Variants in PPP6R2 observed in about 807,000 individuals in gnomAD.
PPP6R2 encodes serine/threonine-protein phosphatase 6 regulatory subunit 2.
In PPP6R2, 62 loss-of-function variants were observed where a neutral mutation model predicts 100.2. That is an observed-to-expected ratio of 0.62 (90% CI 0.50 to 0.76). The LOEUF (loss-of-function observed/expected upper bound fraction) is 0.76. PPP6R2 is among the 30% of genes least tolerant of loss of function. The pLI, the probability that PPP6R2 is intolerant of heterozygous loss-of-function variation, is 0.00. For missense variants in PPP6R2, 1,142 were observed against 1,276.3 expected, an observed-to-expected ratio of 0.89 and a Z score of 1.60; for synonymous variants, 525 against 514.7, an observed-to-expected ratio of 1.02 and a Z score of -0.27.
chr22:50,436,223 C>T, intron 13 of PPP6R2, 144 bp from the exon 14 acceptor site: 1 of 689,760 alleles, frequency 1.4e-6, no homozygotes, highest in Non-Finnish European at 2.5e-6. Context: ...CGGCAAAGCC[C>T]CTGCTTCAGG....
chr22:50,375,023 G>C (rs2051170169), intron 2 of PPP6R2, among the ~76,000 whole-genome samples: 1 of 151,628 alleles, frequency 6.6e-6, no homozygotes, highest in African/African-American at 2.4e-5. Flanking sequence ...TTAAAAGATA[G>C]ATTACCTAAA....
At position 50,438,314 on chromosome 22, in the gene PPP6R2, A is replaced by G; in HGVS notation, c.1964+16A>G. 6.2e-7 allele frequency: 1 copy of G among 1,606,366 alleles called. No individual in the cohort carries two copies. Among genetic ancestry groups the G allele is most frequent in the South Asian group, 1.1e-5 (1 of 89,888 alleles). ...CCAGACCCAGGTGCGGGGCCTGCCC[A>G]TCCCCACAAAGCCTCTGCCGAGGAG... On this transcript the variant is annotated intron_variant, in intron 18 of 23. Transcript: ENST00000612753.
chr22:50,427,288 G>A (rs576739821), intron 10 of PPP6R2, among the ~76,000 whole-genome samples: 6 of 152,066 alleles, frequency 3.9e-5, no homozygotes, highest in East Asian at 1.9e-4. Flanking sequence ...TGCCAGTGTC[G>A]CACTGTTTTG....
intron 1 of PPP6R2, among the ~76,000 whole-genome samples, chr22:50,347,336 C>G (rs895355625): frequency 6.6e-6 from 1 of 152,096 alleles, no homozygotes; most frequent in Non-Finnish European, 1.5e-5. Context: ...CATCACCCCT[C>G]TTGTCCAATC....
intron 1 of PPP6R2, among the ~76,000 whole-genome samples, chr22:50,360,541 G>GC (rs1267451020): frequency 6.6e-6 from 1 of 151,998 alleles, no homozygotes; most frequent in Non-Finnish European, 1.5e-5. Context: ...TTAAAAAAAG[G>GC]TTTTTAGAGA....
At chr22:50,398,116 T>TA (rs2057387928) in intron 3 of PPP6R2, among the ~76,000 whole-genome samples, 1 of 151,762 alleles carries the variant, frequency 6.6e-6, no homozygotes. Flanking sequence ...GAGGATCACT[T>TA]ACGCCCAGGA....
chr22:50,337,242 TGTGTGTGTG>T, the PPP6R2 span, among the ~76,000 whole-genome samples: 1 of 140,698 alleles, frequency 7.1e-6, no homozygotes, highest in African/African-American at 2.7e-5. Context: ...TGTATTGGTG[TGTGTGTGTG>T]GTGTGTGTGC....
chr22:50,391,161 C>T (rs567592654), intron 2 of PPP6R2, among the ~76,000 whole-genome samples: 3 of 151,426 alleles, frequency 2.0e-5, no homozygotes, highest in East Asian at 1.9e-4. Flanking sequence ...AGTCCAGGCG[C>T]GGTGGCTCAC....
intron 10 of PPP6R2, among the ~76,000 whole-genome samples, chr22:50,424,804 A>AT (rs1340553878): frequency 5.3e-5 from 8 of 150,290 alleles, no homozygotes; most frequent in South Asian, 2.1e-4. Flanking sequence ...TGCCCAGCTA[A>AT]TTTTTTTTTG....
At chr22:50,370,878 C>T (rs917030665) in intron 1 of PPP6R2, among the ~76,000 whole-genome samples, 8 of 152,270 alleles carry the variant, frequency 5.3e-5, no homozygotes, top group African/African-American at 1.9e-4. Flanking sequence ...ATGATCCACC[C>T]GCCTCGGCCT....
intron 3 of PPP6R2, among the ~76,000 whole-genome samples, chr22:50,401,744 G>C (rs1024840356): frequency 6.6e-6 from 1 of 151,216 alleles, no homozygotes; most frequent in African/African-American, 2.4e-5. Flanking sequence ...CTGGGTTCAC[G>C]CCATTCTCCT....
intron 19 of PPP6R2, 133 bp from the exon 20 acceptor site, chr22:50,439,568 G>C (rs2065134241): frequency 1.9e-6 from 2 of 1,027,150 alleles, no homozygotes; most frequent in Non-Finnish European, 2.7e-6. Flanking sequence ...GGCACTGCCT[G>C]GGCCTCCCTC....
chr22:50,371,654 T>TG (rs2050239124), intron 1 of PPP6R2, among the ~76,000 whole-genome samples: 1 of 152,018 alleles, frequency 6.6e-6, no homozygotes, highest in South Asian at 2.1e-4. Flanking sequence ...ATTGCTTTTT[T>TG]TTGAGATGGG....
chr22:50,393,190 G>T (rs12157918), intron 2 of PPP6R2, among the ~76,000 whole-genome samples: 1 of 152,268 alleles, frequency 6.6e-6, no homozygotes, highest in African/African-American at 2.4e-5. Context: ...GATTCCTCAG[G>T]TGCCTATGGC....
At chr22:50,383,017 T>C (rs1302665191) in intron 2 of PPP6R2, among the ~76,000 whole-genome samples, 1 of 152,130 alleles carries the variant, frequency 6.6e-6, no homozygotes, top group African/African-American at 2.4e-5. Context: ...TTTGTGTTTT[T>C]AGTAGAAATG....
At chr22:50,424,183 C>G (rs890230358) in intron 10 of PPP6R2, among the ~76,000 whole-genome samples, 2 of 152,190 alleles carry the variant, frequency 1.3e-5, no homozygotes, top group Non-Finnish European at 2.9e-5. Context: ...GGCTGCTCCC[C>G]TGAGAACGAA....
chr22:50,394,040 G>T lies in PPP6R2; in HGVS notation c.132G>T (p.Leu44=). ...AGTGTAAGGCTCAGAACCAGAAGCT[G>T]CTGGACTTCCTGTGCAGGCAGCAGT... is the stretch of plus-strand genomic sequence containing the variant. ...LQECKAQNQK[L]LDFLCRQQCM... is the part of the protein sequence containing the mutation. The change falls in exon 3 of 24, where the codon CTG becomes CTT. Residue 44 remains leucine, a synonymous_variant. Transcript: ENST00000612753. 6.2e-7 allele frequency: 1 copy of T among 1,614,218 alleles called. No homozygotes were observed. Among genetic ancestry groups the T allele is most frequent in the Non-Finnish European group, 8.5e-7 (1 of 1,180,038 alleles).
chr22:50,395,807 T>A (rs1275823409), intron 3 of PPP6R2, among the ~76,000 whole-genome samples: 1 of 148,280 alleles, frequency 6.7e-6, no homozygotes, highest in Non-Finnish European at 1.5e-5. Context: ...GCTCAAGCAA[T>A]CCACCCACCT....
At chr22:50,419,027 A>G (rs778402680) in intron 7 of PPP6R2, 48 bp downstream of exon 7, 8 of 1,447,190 alleles carry the variant, frequency 5.5e-6, no homozygotes, top group Non-Finnish European at 7.8e-6. Flanking sequence ...TTTCTGGGTC[A>G]TGGGGACGTC....
Sources: allele counts gnomAD v4.1 joint callset (sites outside exome capture counted in the v4.1 genomes callset), GRCh38; gene constraint gnomAD v4.1.1; transcripts MANE v1.5; gene names NCBI Gene and HGNC (gene_info 2026-07-23, HGNC 2026-07-21).